Variants in WNT2B observed in about 807,000 individuals in gnomAD.
The protein encoded by WNT2B is Wnt family member 2B, also known as protein Wnt-2b.
In WNT2B, 19 loss-of-function variants were observed where a neutral mutation model predicts 40.5. That is an observed-to-expected ratio of 0.47 (90% CI 0.33 to 0.69). The LOEUF is 0.69. Among genes scored for constraint, WNT2B ranks in the 30% least tolerant of loss-of-function variants. The pLI is 0.02. For missense variants in WNT2B, 467 were observed against 556.4 expected (o/e 0.84, Z 1.62); for synonymous variants, 220 against 211.9 (o/e 1.04, Z -0.33).
rs542681719 is a variant in WNT2B, at chr1:112,496,874, C to T, written c.-94-18000C>T. ...CTCAGCCTCCCAAAGTGCTGGATTA[C>T]AGGCGTGAGCCACTGTGCCCAGCCC... On this transcript the variant is annotated intron_variant, in intron 1 of 4. Coordinates refer to the WNT2B transcript ENST00000256640. 7.2e-5 allele frequency among the ~76,000 whole-genome samples: 11 copies of T among 152,328 alleles called. No homozygotes were observed. In the South Asian group the frequency reaches 2.3e-3, roughly 32 times the overall value.
In WNT2B at chr1:112,520,803, C is replaced by A; in HGVS notation, c.*294C>A. The A allele has an allele frequency of 2.4e-6, 1 of 411,154 alleles. No homozygotes were observed. Among genetic ancestry groups the A allele is most frequent in the Non-Finnish European group, 4.4e-6 (1 of 229,114 alleles). The allele number at this position is 411,154 out of a possible 1,614,324, so 25.5% of individuals were successfully genotyped here. On this transcript the variant is annotated 3_prime_UTR_variant, in exon 5 of 5. Coordinates refer to ENST00000369684, the MANE Select transcript of WNT2B (RefSeq NM_024494.3). The stretch of plus-strand genomic sequence containing the variant: ...GAGTGAAATGAGTTGCACTAAAGTA[C>A]GTAGTTGAGGCTCCTTTTTTCTTTC...
In WNT2B at chr1:112,520,358, G is replaced by A. The variant is rs1440868844; in HGVS notation, c.1025G>A (p.Arg342Gln). ...TDGCEIMCCG[R>Q]GYDTTRVTRV... ...GGTTGTGAAATCATGTGCTGTGGCC[G>A]AGGGTACGACACAACTCGAGTCACC... Residue 342 changes from arginine to glutamine, a missense_variant, in exon 5 of 5, where the codon CGA (arginine) becomes CAA (glutamine). Physicochemically the swap from Arg to Gln is conservative, Grantham distance 43. This residue lies in a region of WNT2B where 330 missense variants were observed against 438.6 expected (regional missense o/e 0.75). Coordinates refer to ENST00000369684, the MANE Select transcript of WNT2B (RefSeq NM_024494.3). The A allele has an allele frequency of 4.3e-6, 7 of 1,614,156 alleles. No individual in the cohort carries two copies. The South Asian group carries it at 4.4e-5, about 10-fold the overall frequency.
chr1:112,475,697 C>G (rs1483842957), intron 1 of WNT2B, among the ~76,000 whole-genome samples: 1 of 151,498 alleles, frequency 6.6e-6, no homozygotes, highest in Non-Finnish European at 1.5e-5. Context: ...AAAAGCAAAA[C>G]AAAACTAATA....
intron 1 of WNT2B, among the ~76,000 whole-genome samples, chr1:112,473,007 G>A (rs1169613583): frequency 2.9e-5 from 4 of 138,028 alleles, no homozygotes; most frequent in Admixed American, 7.3e-5. Context: ...GGGAGGGAAG[G>A]GGAGAGAGAG....
rs1570788407 is a variant in WNT2B, at chr1:112,508,980, A to G, written c.-283A>G. On this transcript the variant is annotated 5_prime_UTR_variant, in exon 1 of 5. Coordinates refer to ENST00000369684, the MANE Select transcript of WNT2B (RefSeq NM_024494.3). This position sits in a 1 kb window ranked among gnomAD's most constrained non-coding sequence, Gnocchi z 4.2. ...GGGGCTGTCCGCACACTAGGCCCGC[A>G]GCTCCCTTCAGCGCCGCAGACCCCC... 1 of 1,271,426 alleles carries G rather than the reference A, an allele frequency of 7.9e-7. No individual in the cohort carries two copies. The highest frequency in any genetic ancestry group is 9.9e-7 in the Non-Finnish European group (1 of 1,012,312). The allele number at this position is 1,271,426 out of a possible 1,614,324, so 78.8% of individuals were successfully genotyped here. A position where few individuals can be genotyped will look rare whatever the true frequency, so the allele number is the denominator to read the frequency against.
chr1:112,514,481 T>C (rs1006931248), intron 1 of WNT2B, among the ~76,000 whole-genome samples: 1 of 152,204 alleles, frequency 6.6e-6, no homozygotes, highest in Non-Finnish European at 1.5e-5. Context: ...ATAAGAGTGT[T>C]GTCTCAGACC....
At position 112,523,163 on chromosome 1, in the gene WNT2B, ATTC is replaced by A. The variant is rs1351373580; in HGVS notation, c.*2657_*2659del. 6.6e-6 allele frequency: 1 copy of A among 152,086 alleles called. No individual in the cohort carries two copies. Among genetic ancestry groups the A allele is most frequent in the African/African-American group, 2.4e-5 (1 of 41,406 alleles). 9.4% of individuals were successfully genotyped at this position (152,086 alleles called of 1,614,324 possible). ...TAAATCTACCTATACCCTACTCTCT[ATTC>A]TTTGGTTTTTGGTTCTCATCCCTGT... On this transcript the variant is annotated 3_prime_UTR_variant, in exon 5 of 5. Transcript: ENST00000369684.
At chr1:112,508,647 G>A (rs1166753418), upstream of WNT2B, 6 of 940,068 alleles carry the variant, frequency 6.4e-6, no homozygotes, top group Non-Finnish European at 7.6e-6. This position sits in a 1 kb window ranked among gnomAD's most constrained non-coding sequence, Gnocchi z 4.2. Flanking sequence ...TTCCCGCTCC[G>A]CCAGCCTGGC....
intron 1 of WNT2B, among the ~76,000 whole-genome samples, chr1:112,513,560 G>C (rs1231291335): frequency 6.6e-6 from 1 of 151,166 alleles, no homozygotes; most frequent in African/African-American, 2.4e-5. Context: ...GTGGTGGGGG[G>C]GGACACAGAG....
intron 1 of WNT2B, among the ~76,000 whole-genome samples, chr1:112,495,942 G>A (rs1012437208): frequency 1.3e-5 from 2 of 152,050 alleles, no homozygotes; most frequent in African/African-American, 4.8e-5. Flanking sequence ...CATGGCAGAA[G>A]GGCAAAAAGG....
Position 112,516,427 on chromosome 1 carries a change from C to T in WNT2B, c.681+10C>T, listed in dbSNP as rs754954353. ...CCGCTGTGGTCGCACGGTCAGTACT[C>T]ATGTCTGTGTAAGTACACTCATATT... On this transcript the variant is annotated intron_variant, in intron 3 of 4. Coordinates refer to ENST00000369684, the MANE Select transcript of WNT2B (RefSeq NM_024494.3). The T allele has an allele frequency of 2.5e-6, 4 of 1,604,400 alleles. No individual in the cohort carries two copies. The African/African-American group carries it at 5.3e-5, about 21-fold the overall frequency.
At chr1:112,492,435 A>G (rs1211806291) in intron 1 of WNT2B, among the ~76,000 whole-genome samples, 5 of 152,250 alleles carry the variant, frequency 3.3e-5, no homozygotes, top group African/African-American at 1.2e-4. Context: ...CTGGAGACTC[A>G]GTATGGACAA....
intron 1 of WNT2B, among the ~76,000 whole-genome samples, chr1:112,502,638 G>C (rs1411244852): frequency 6.6e-6 from 1 of 152,090 alleles, no homozygotes; most frequent in African/African-American, 2.4e-5. Flanking sequence ...ACGGTCCCCA[G>C]CCTCACCCTC....
upstream of WNT2B, among the ~76,000 whole-genome samples, chr1:112,506,052 G>T (rs992571500): frequency 4.6e-5 from 7 of 152,102 alleles, no homozygotes; most frequent in African/African-American, 1.7e-4. Context: ...CTGTTGCCCA[G>T]GCTGGGTGCA....
chr1:112,504,181 G>A (rs113105438), upstream of WNT2B, among the ~76,000 whole-genome samples: 2 of 152,166 alleles, frequency 1.3e-5, no homozygotes, highest in Non-Finnish European at 2.9e-5. Flanking sequence ...CGGAATGGCC[G>A]TCAGCCCGCC....
chr1:112,478,345 T>A (rs1651115237), intron 1 of WNT2B, among the ~76,000 whole-genome samples: 1 of 151,880 alleles, frequency 6.6e-6, no homozygotes, highest in African/African-American at 2.4e-5. Context: ...GATATAGACA[T>A]CCAGATTCAT....
intron 1 of WNT2B, among the ~76,000 whole-genome samples, chr1:112,495,394 G>A (rs1651729657): frequency 6.6e-6 from 1 of 151,954 alleles, no homozygotes; most frequent in Non-Finnish European, 1.5e-5. Context: ...GGCTAACATG[G>A]TGAAACCCCC....
rs571819916 is a variant in WNT2B at position 112,503,658 on chromosome 1, C to T, written c.-94-11216C>T. Among the ~76,000 whole-genome samples, 152 of 152,002 alleles carry T rather than the reference C, an allele frequency of 1.0e-3. 1 individual carries two copies. The highest frequency in any genetic ancestry group is 3.5e-3 in the African/African-American group (145 of 41,444). On this transcript the variant is annotated intron_variant, in intron 1 of 4. Transcript: ENST00000256640. ...ACAGATTCATACAGAGAGATACACA[C>T]GGAGAGACAGGGAGTGACACAATCT...
intron 1 of WNT2B, among the ~76,000 whole-genome samples, chr1:112,503,581 A>G (rs1424363835): frequency 6.6e-6 from 1 of 152,162 alleles, no homozygotes; most frequent in Non-Finnish European, 1.5e-5. Context: ...AGTCAGAAAC[A>G]ACATGGAGAG....
Sources: gnomAD v4.1 joint callset for allele counts (sites outside exome capture counted in the v4.1 genomes callset) on GRCh38, gnomAD v4.1.1 for gene constraint, gnomAD v4.1.1 regional missense constraint, Gnocchi (gnomAD v3.1) non-coding constraint, MANE v1.5 for transcripts, NCBI Gene and HGNC (gene_info 2026-07-23, HGNC 2026-07-21) for gene names.